The following CTNNA2 variants were observed in gnomAD, a reference collection of about 807,000 sequenced individuals.
CTNNA2 encodes the protein catenin alpha 2, also known as catenin alpha-2.
In CTNNA2, 42 loss-of-function variants were observed where a neutral mutation model predicts 101.0. The observed-to-expected ratio is 0.42, with a 90% CI of 0.32 to 0.54. CTNNA2 has a LOEUF of 0.54. Among genes scored for constraint, CTNNA2 ranks in the 20% least tolerant of loss-of-function variants. The pLI is 0.14. For synonymous variants in CTNNA2, 450 were observed against 456.4 expected, an observed-to-expected ratio of 0.99 and a Z score of 0.18; for missense variants, 871 against 1,223.1, an observed-to-expected ratio of 0.71 and a Z score of 4.29.
chr2:80,559,878 T>TTATATATATATATTTATATATATA (rs1471163982), intron 12 of CTNNA2, among the ~76,000 whole-genome samples: 2 of 113,934 alleles, frequency 1.8e-5, no homozygotes, highest in Non-Finnish European at 2.1e-5. Context: ...GATATCATAT[T>TTATATATATATATTTATATATATA]TATATATATA....
chr2:80,051,845 A>G (rs1272192078), intron 7 of CTNNA2, among the ~76,000 whole-genome samples: 1 of 152,172 alleles, frequency 6.6e-6, no homozygotes, highest in African/African-American at 2.4e-5. Flanking sequence ...TGCCCTTTCC[A>G]TGGGAGCAAT....
At position 79,612,679 on chromosome 2, in the gene CTNNA2, C is replaced by T. The variant is rs1432018912; in HGVS notation, c.-5-38873C>T. On this transcript the variant is annotated intron_variant, in intron 1 of 18. Coordinates refer to ENST00000402739, the MANE Select transcript of CTNNA2 (RefSeq NM_001282597.3). ...ACTTAAGACTTAGTGGGGATGAAAG[C>T]ATAGAAAGAAAGCATTTGTATGACT... 2.0e-5 allele frequency among the ~76,000 whole-genome samples: 3 copies of T among 151,966 alleles called. No homozygotes were observed. The East Asian group carries it at 5.8e-4, about 29-fold the overall frequency.
chr2:80,302,931 G>T lies in CTNNA2; in HGVS notation c.1057-90280G>T. 6.2e-7 allele frequency: 1 copy of T among 1,614,044 alleles called. No individual in the cohort carries two copies. The highest frequency in any genetic ancestry group is 8.5e-7 in the Non-Finnish European group (1 of 1,180,020). Reference sequence around the variant, plus strand: ...GACTTCCAAGAGTTGAGGATCCGGGGCTCGATGTAGGTGAGGCGGTTGGAG... The same window carrying T: ...GACTTCCAAGAGTTGAGGATCCGGGTCTCGATGTAGGTGAGGCGGTTGGAG... On this transcript the variant is annotated intron_variant, in intron 7 of 18. Transcript: ENST00000402739. The surrounding 1 kb of genome is among the most constrained non-coding windows in gnomAD (Gnocchi z 6.4).
chr2:80,417,937 A>G (rs1680183749), intron 8 of CTNNA2, among the ~76,000 whole-genome samples: 1 of 152,122 alleles, frequency 6.6e-6, no homozygotes, highest in African/African-American at 2.4e-5. Flanking sequence ...CAGAGCTCTC[A>G]CTTCTGTTAT....
chr2:79,796,431 A>C (rs575009603), intron 3 of CTNNA2, among the ~76,000 whole-genome samples: 1 of 151,114 alleles, frequency 6.6e-6, no homozygotes, highest in Non-Finnish European at 1.5e-5. Context: ...AACTATGCCC[A>C]AGTTGGTGAT....
At chr2:79,672,183 A>T (rs761303544) in intron 2 of CTNNA2, among the ~76,000 whole-genome samples, 1 of 152,210 alleles carries the variant, frequency 6.6e-6, no homozygotes, top group Non-Finnish European at 1.5e-5. Context: ...TTGATGGTTA[A>T]CAAAATCCCT....
intron 2 of CTNNA2, chr2:79,687,413 G>A (rs17017573): frequency 0.078 from 39,475 of 504,718 alleles, 1,890 homozygotes; most frequent in African/African-American, 0.1. Context: ...CTGAGGAGCA[G>A]CAAAAATCCA....
At chr2:80,336,685 T>C (rs1376922875) in intron 7 of CTNNA2, among the ~76,000 whole-genome samples, 1 of 152,222 alleles carries the variant, frequency 6.6e-6, no homozygotes, top group Non-Finnish European at 1.5e-5. Context: ...TAAACAATCA[T>C]CTTAAAATTG....
intron 9 of CTNNA2, among the ~76,000 whole-genome samples, chr2:80,532,513 G>A (rs1690630662): frequency 6.6e-6 from 1 of 152,182 alleles, no homozygotes; most frequent in South Asian, 2.1e-4. Context: ...CAAAGTGCAA[G>A]AGTAATAATG....
chr2:80,023,156 A>C (rs995475603), intron 7 of CTNNA2, among the ~76,000 whole-genome samples: 4 of 151,966 alleles, frequency 2.6e-5, no homozygotes, highest in Non-Finnish European at 5.9e-5. Context: ...ATTACCCTAA[A>C]CTGGTACTTT....
chr2:80,154,347 G>A (rs997328998), intron 7 of CTNNA2, among the ~76,000 whole-genome samples: 1 of 152,158 alleles, frequency 6.6e-6, no homozygotes, highest in Non-Finnish European at 1.5e-5. Flanking sequence ...TTTTCAGGTG[G>A]TGCCCTGAAA....
At chr2:79,945,669 T>A (rs2916483) in intron 7 of CTNNA2, among the ~76,000 whole-genome samples, 139,617 of 152,246 alleles carry the variant, frequency 0.92, 64,088 homozygotes, top group East Asian at 0.95. Context: ...TACTTCTGTA[T>A]CTGCCATATG....
intron 2 of CTNNA2, among the ~76,000 whole-genome samples, chr2:79,293,497 C>A (rs1675885052): frequency 6.6e-6 from 1 of 152,028 alleles, no homozygotes; most frequent in East Asian, 1.9e-4. Context: ...CAATATAAGG[C>A]AAATATAGTG....
At chr2:80,646,437 T>C in intron 18 of CTNNA2, among the ~76,000 whole-genome samples, 1 of 152,124 alleles carries the variant, frequency 6.6e-6, no homozygotes, top group Non-Finnish European at 1.5e-5. Context: ...AGCTGTTAAT[T>C]CTTTTCTTTC....
chr2:79,927,051 C>T (rs187241407), intron 7 of CTNNA2, among the ~76,000 whole-genome samples: 1 of 152,112 alleles, frequency 6.6e-6, no homozygotes, highest in Non-Finnish European at 1.5e-5. Flanking sequence ...CTAGGGATGA[C>T]ATAAAGCAAA....
At chr2:80,218,211 G>A (rs977640848) in intron 7 of CTNNA2, among the ~76,000 whole-genome samples, 2 of 152,230 alleles carry the variant, frequency 1.3e-5, no homozygotes, top group Non-Finnish European at 2.9e-5. Flanking sequence ...TCTACCCAGA[G>A]AGAAGTAAAC....
intron 7 of CTNNA2, among the ~76,000 whole-genome samples, chr2:80,058,144 T>C (rs1428033004): frequency 6.6e-6 from 1 of 152,252 alleles, no homozygotes. Flanking sequence ...GTATTCAACA[T>C]CTGCTCTGCA....
intron 7 of CTNNA2, among the ~76,000 whole-genome samples, chr2:79,960,591 G>A (rs950086067): frequency 6.6e-6 from 1 of 152,204 alleles, no homozygotes; most frequent in South Asian, 2.1e-4. Context: ...TGCATCTTCC[G>A]TTAAAAGGTT....
At chr2:80,038,850 AAAAAT>A (rs1333597914) in intron 7 of CTNNA2, among the ~76,000 whole-genome samples, 2 of 152,142 alleles carry the variant, frequency 1.3e-5, no homozygotes, top group Non-Finnish European at 2.9e-5. Flanking sequence ...CTCTGTCTCA[AAAAAT>A]AAAATAATAA....
Sources: gnomAD v4.1 joint callset for allele counts (sites outside exome capture counted in the v4.1 genomes callset) on GRCh38, gnomAD v4.1.1 for gene constraint, Gnocchi (gnomAD v3.1) non-coding constraint, MANE v1.5 for transcripts, NCBI Gene and HGNC (gene_info 2026-07-23, HGNC 2026-07-21) for gene names.